The following DNM3 variants were observed in gnomAD, a reference collection of about 807,000 sequenced individuals.
DNM3 encodes the protein dynamin 3.
In DNM3, 47 loss-of-function variants were observed where a neutral mutation model predicts 101.6. The ratio of observed to expected loss-of-function variants is 0.46; its 90% CI spans 0.37 to 0.59. The LOEUF (loss-of-function observed/expected upper bound fraction) is 0.59. DNM3 is among the 20% of genes least tolerant of loss of function. DNM3 has a pLI of 0.00. For missense variants in DNM3, 849 were observed against 1,085.7 expected (o/e 0.78, Z 3.06); for synonymous variants, 385 against 387.9 (o/e 0.99, Z 0.09).
chr1:172,317,832 C>T (rs9425555), intron 16 of DNM3, among the ~76,000 whole-genome samples: 11,134 of 150,662 alleles, frequency 0.074, 470 homozygotes, highest in African/African-American at 0.11. Flanking sequence ...TGGTAGCATT[C>T]CTTCTGAAAC....
chr1:172,092,365 T>C (rs2053969600), intron 12 of DNM3, among the ~76,000 whole-genome samples: 2 of 152,166 alleles, frequency 1.3e-5, no homozygotes, highest in Admixed American at 6.5e-5. Flanking sequence ...CTGAGTGATT[T>C]TGGGAAAGTC....
At chr1:172,318,991 T>C (rs1294202695) in intron 16 of DNM3, among the ~76,000 whole-genome samples, 6 of 151,648 alleles carry the variant, frequency 4.0e-5, no homozygotes, top group Non-Finnish European at 8.9e-5. Flanking sequence ...CAAACTATAC[T>C]ACAAGGCTAC....
intron 14 of DNM3, among the ~76,000 whole-genome samples, chr1:172,226,218 A>G (rs2061113858): frequency 6.6e-6 from 1 of 152,156 alleles, no homozygotes; most frequent in Non-Finnish European, 1.5e-5. Context: ...AAAACCTTTA[A>G]ACAAAACAAG....
chr1:172,205,078 TAAAC>T (rs2060279622), intron 14 of DNM3, among the ~76,000 whole-genome samples: 1 of 152,176 alleles, frequency 6.6e-6, no homozygotes, highest in Non-Finnish European at 1.5e-5. Context: ...TTTTTCTGTA[TAAAC>T]GTGCATGTGT....
chr1:172,083,275 G>A (rs1021514195), intron 12 of DNM3, among the ~76,000 whole-genome samples: 107 of 150,532 alleles, frequency 7.1e-4, no homozygotes, highest in African/African-American at 2.5e-3. Flanking sequence ...TTCTATAGTG[G>A]GTGGGGGGGG....
chr1:172,261,059 A>G (rs2062623679), intron 15 of DNM3, among the ~76,000 whole-genome samples: 2 of 152,158 alleles, frequency 1.3e-5, no homozygotes, highest in Middle Eastern at 6.8e-3. Context: ...TGATTCTCCC[A>G]ACTCAGCCTC....
chr1:172,108,527 A>G (rs533413421), intron 13 of DNM3, among the ~76,000 whole-genome samples: 1 of 152,336 alleles, frequency 6.6e-6, no homozygotes, highest in South Asian at 2.1e-4. Context: ...ATGTAAGTGC[A>G]GAAAATAAGT....
chr1:171,959,870 A>C (rs2043102733), intron 2 of DNM3, among the ~76,000 whole-genome samples: 2 of 152,036 alleles, frequency 1.3e-5, no homozygotes, highest in African/African-American at 4.8e-5. Context: ...AGCTGTGGGG[A>C]CAGAAGCCAA....
At chr1:172,050,788 C>T (rs1256212353) in intron 10 of DNM3, among the ~76,000 whole-genome samples, 3 of 152,152 alleles carry the variant, frequency 2.0e-5, no homozygotes, top group Non-Finnish European at 2.9e-5. Flanking sequence ...GATCCATATG[C>T]AGAGAACAGA....
At position 172,411,448 on chromosome 1, in the gene DNM3, A is replaced by C; in HGVS notation, c.*3607A>C. ...CTGGAGACCTATCTTTAAGATCTCTAATTGGAATTATAAATTATTTTTGGA... is the reference window on the plus strand; with the variant it reads ...CTGGAGACCTATCTTTAAGATCTCTCATTGGAATTATAAATTATTTTTGGA... On this transcript the variant is annotated 3_prime_UTR_variant, in exon 21 of 21. Transcript: ENST00000627582. 3.0e-6 allele frequency: 3 copies of C among 984,612 alleles called. No homozygotes were observed. Among genetic ancestry groups the C allele is most frequent in the Non-Finnish European group, 3.6e-6 (3 of 829,340 alleles). 61.0% of individuals were successfully genotyped at this position (984,612 alleles called of 1,614,324 possible).
At chr1:172,106,290 A>G in intron 13 of DNM3, among the ~76,000 whole-genome samples, 1 of 152,188 alleles carries the variant, frequency 6.6e-6, no homozygotes, top group South Asian at 2.1e-4. Flanking sequence ...ATGTGGTGGC[A>G]TGCACCTGTA....
At chr1:171,970,961 C>T (rs555964096) in intron 2 of DNM3, among the ~76,000 whole-genome samples, 13 of 152,102 alleles carry the variant, frequency 8.5e-5, no homozygotes, top group African/African-American at 2.9e-4. Flanking sequence ...TTATGTTGAA[C>T]ATTTAAAAAA....
intron 14 of DNM3, chr1:172,139,414 AT>A (rs1387295336): frequency 6.4e-6 from 1 of 155,294 alleles, no homozygotes; most frequent in Non-Finnish European, 1.4e-5. Flanking sequence ...AATGAGCCTA[AT>A]TTATTTGGCA....
intron 16 of DNM3, chr1:172,309,110 A>G (rs986823623): frequency 4.9e-4 from 169 of 348,184 alleles, no homozygotes; most frequent in African/African-American, 3.2e-3. Context: ...CTCAAGACAA[A>G]GTTTGTTTTA....
chr1:171,847,654 G>A (rs2124973582), intron 1 of DNM3, among the ~76,000 whole-genome samples: 1 of 152,270 alleles, frequency 6.6e-6, no homozygotes, highest in East Asian at 1.9e-4. Context: ...AATACTTAAG[G>A]GAGGTGAATT....
At chr1:171,895,246 C>T (rs2037677581) in intron 1 of DNM3, among the ~76,000 whole-genome samples, 1 of 152,182 alleles carries the variant, frequency 6.6e-6, no homozygotes, top group South Asian at 2.1e-4. Context: ...AATGTACACT[C>T]CCACCAACAG....
chr1:172,346,775 T>C (rs2066961447), intron 17 of DNM3, among the ~76,000 whole-genome samples: 1 of 152,182 alleles, frequency 6.6e-6, no homozygotes, highest in South Asian at 2.1e-4. Flanking sequence ...ACTAAAGCAC[T>C]GGTTTCCATC....
chr1:172,358,220 T>C (rs534126085), intron 17 of DNM3, among the ~76,000 whole-genome samples: 22 of 152,170 alleles, frequency 1.4e-4, no homozygotes, highest in African/African-American at 5.3e-4. Flanking sequence ...AGGCTTTAAA[T>C]CTTGCTAACT....
intron 13 of DNM3, among the ~76,000 whole-genome samples, chr1:172,110,030 C>A (rs2055348049): frequency 6.6e-6 from 1 of 152,180 alleles, no homozygotes; most frequent in Non-Finnish European, 1.5e-5. Context: ...AAAAAAAATT[C>A]TGAACCTGTT....
Sources: gnomAD v4.1 joint callset for allele counts (sites outside exome capture counted in the v4.1 genomes callset) on GRCh38, gnomAD v4.1.1 for gene constraint, MANE v1.5 for transcripts, NCBI Gene and HGNC (gene_info 2026-07-23, HGNC 2026-07-21) for gene names.